Variants in RPH3A observed in about 807,000 individuals in gnomAD.
The protein encoded by RPH3A is rabphilin 3A, also known as rabphilin-3A.
RPH3A carries 48 observed loss-of-function variants against 102.2 expected under a neutral mutation model. That is an observed-to-expected ratio of 0.47 (90% CI 0.37 to 0.60). The LOEUF (loss-of-function observed/expected upper bound fraction) is 0.60, where lower values mean the gene tolerates loss of function less well. RPH3A is among the 20% of genes least tolerant of loss of function. The pLI is 0.00. For missense variants in RPH3A, 781 were observed against 910.1 expected, an observed-to-expected ratio of 0.86 and a Z score of 1.83; for synonymous variants, 310 against 324.3, an observed-to-expected ratio of 0.96 and a Z score of 0.47.
intron 14 of RPH3A, among the ~76,000 whole-genome samples, chr12:112,880,747 G>A (rs2042895147): frequency 1.3e-5 from 2 of 152,160 alleles, no homozygotes; most frequent in Non-Finnish European, 2.9e-5. Flanking sequence ...TTGCCTGGAA[G>A]CCTTCCTGAC....
chr12:112,695,209 T>G (rs2040341185), intron 1 of RPH3A: 1 of 168,856 alleles, frequency 5.9e-6, no homozygotes, highest in African/African-American at 2.4e-5. Flanking sequence ...GCAACCCTAA[T>G]CCATAGACAA....
chr12:112,770,212 T>C (rs2040918297), intron 1 of RPH3A, among the ~76,000 whole-genome samples: 1 of 152,256 alleles, frequency 6.6e-6, no homozygotes, highest in Non-Finnish European at 1.5e-5. Flanking sequence ...CAGGTTGTAA[T>C]GAACATCTTT....
chr12:112,713,039 T>TCTTCTTCTTCTC (rs1436791285), intron 1 of RPH3A, among the ~76,000 whole-genome samples: 1 of 86,058 alleles, frequency 1.2e-5, no homozygotes, highest in African/African-American at 5.7e-5. Context: ...TTCTTCTTCT[T>TCTTCTTCTTCTC]CTTCTTCTTC....
At chr12:112,676,735 C>G (rs2040177681) in intron 1 of RPH3A, among the ~76,000 whole-genome samples, 1 of 152,162 alleles carries the variant, frequency 6.6e-6, no homozygotes, top group East Asian at 1.9e-4. Context: ...CCGTCTCCCT[C>G]TTAGAGCACA....
upstream of RPH3A, among the ~76,000 whole-genome samples, chr12:112,787,777 C>T (rs149719261): frequency 1.3e-5 from 2 of 152,232 alleles, no homozygotes; most frequent in African/African-American, 4.8e-5. Flanking sequence ...GAGATGATGC[C>T]GCTGCACATA....
At chr12:112,691,377 G>C (rs1459600435) in intron 1 of RPH3A, among the ~76,000 whole-genome samples, 1 of 152,130 alleles carries the variant, frequency 6.6e-6, no homozygotes, top group Non-Finnish European at 1.5e-5. Context: ...AGGAGAAGTG[G>C]GGGAGGAATA....
chr12:112,715,469 C>T (rs1333165604), intron 1 of RPH3A, among the ~76,000 whole-genome samples: 1 of 152,204 alleles, frequency 6.6e-6, no homozygotes, highest in African/African-American at 2.4e-5. Flanking sequence ...CCGGGACTCT[C>T]ACTGTTTTCT....
chr12:112,717,549 T>A (rs958059491), intron 1 of RPH3A, among the ~76,000 whole-genome samples: 25 of 152,164 alleles, frequency 1.6e-4, no homozygotes, highest in African/African-American at 4.8e-4. Flanking sequence ...TTGAGATACA[T>A]CAATGTTTTT....
At chr12:112,758,671 G>T (rs1391484978) in intron 1 of RPH3A, among the ~76,000 whole-genome samples, 3 of 152,210 alleles carry the variant, frequency 2.0e-5, no homozygotes. Context: ...GCTAGTCAGT[G>T]ATTGAGCTGG....
chr12:112,828,522 A>C (rs2041918685), intron 3 of RPH3A, 133 bp downstream of exon 3: 1 of 648,180 alleles, frequency 1.5e-6, no homozygotes, highest in Non-Finnish European at 2.7e-6. Flanking sequence ...GAGTTTAGTC[A>C]TGAAAACATC....
intron 1 of RPH3A, among the ~76,000 whole-genome samples, chr12:112,745,682 T>C (rs530145839): frequency 2.6e-5 from 4 of 152,340 alleles, no homozygotes; most frequent in Non-Finnish European, 4.4e-5. Context: ...TTCAACTGCT[T>C]GGAAATCTTC....
At chr12:112,778,743 T>G (rs949393197) in intron 1 of RPH3A, among the ~76,000 whole-genome samples, 2 of 152,188 alleles carry the variant, frequency 1.3e-5, no homozygotes, top group African/African-American at 4.8e-5. Context: ...AGGCTTACAT[T>G]GTAGCAACTT....
intron 1 of RPH3A, among the ~76,000 whole-genome samples, chr12:112,784,731 G>T (rs1004771548): frequency 6.6e-5 from 10 of 152,174 alleles, no homozygotes; most frequent in Non-Finnish European, 1.3e-4. Flanking sequence ...AGAAGGTGAG[G>T]TTCTGTTGTA....
chr12:112,696,890 T>C (rs1490230349), intron 1 of RPH3A, among the ~76,000 whole-genome samples: 1 of 152,104 alleles, frequency 6.6e-6, no homozygotes, highest in Non-Finnish European at 1.5e-5. Context: ...TGTCATATGC[T>C]TTGGTCTTGT....
intron 1 of RPH3A, among the ~76,000 whole-genome samples, chr12:112,679,586 C>T (rs7133166): frequency 0.28 from 43,249 of 151,980 alleles, 6,248 homozygotes; most frequent in Admixed American, 0.34. Flanking sequence ...CCACCACGCC[C>T]GGCTAATTTT....
At chr12:112,583,331 A>G (rs1341392114) in intron 1 of RPH3A, among the ~76,000 whole-genome samples, 2 of 152,212 alleles carry the variant, frequency 1.3e-5, no homozygotes, top group African/African-American at 4.8e-5. Flanking sequence ...CATTTTGCAG[A>G]CGAGGAAACT....
At chr12:112,656,440 C>T (rs2040011812) in intron 1 of RPH3A, among the ~76,000 whole-genome samples, 1 of 152,186 alleles carries the variant, frequency 6.6e-6, no homozygotes, top group African/African-American at 2.4e-5. Context: ...TTATCAGTAT[C>T]TTCTCAGTGT....
At chr12:112,611,632 A>AG (rs1216334669) in intron 1 of RPH3A, among the ~76,000 whole-genome samples, 24 of 151,986 alleles carry the variant, frequency 1.6e-4, no homozygotes, top group South Asian at 4.2e-4. Flanking sequence ...AGAGATTGGG[A>AG]GGGGGGGTTC....
chr12:112,889,792 G>A (rs1430595456), intron 17 of RPH3A, among the ~76,000 whole-genome samples: 2 of 152,174 alleles, frequency 1.3e-5, no homozygotes, highest in Non-Finnish European at 2.9e-5. Context: ...TGTAAAATTG[G>A]AATTGTAACA....
Sources: gnomAD v4.1 joint callset for allele counts (sites outside exome capture counted in the v4.1 genomes callset) on GRCh38, gnomAD v4.1.1 for gene constraint, MANE v1.5 for transcripts, NCBI Gene and HGNC (gene_info 2026-07-23, HGNC 2026-07-21) for gene names.